Variants in IFIT1B observed in about 807,000 individuals in gnomAD.
IFIT1B encodes protein IFIT1 homolog B.
IFIT1B carries 3 observed loss-of-function variants against 2.5 expected under a neutral mutation model. That is an observed-to-expected ratio of 1.21 (90% CI 0.55 to 3.14). IFIT1B has a LOEUF of 3.14. Among genes scored for constraint, IFIT1B ranks in the 30% most tolerant of loss-of-function variants. The pLI, the probability that IFIT1B is intolerant of heterozygous loss-of-function variation, is 0.03. For missense variants in IFIT1B, 545 were observed against 556.5 expected (o/e 0.98, Z 0.21); for synonymous variants, 196 against 203.0 (o/e 0.97, Z 0.29).
Position 89,383,796 on chromosome 10 carries a change from G to A in IFIT1B, c.483G>A (p.Lys161=), listed in dbSNP as rs775389107. 27 of 1,614,052 alleles carry A rather than the reference G, an allele frequency of 1.7e-5. No individual in the cohort carries two copies. In the Admixed American group the frequency reaches 4.5e-4, roughly 27 times the overall value. Residue 161 remains lysine (K), a synonymous_variant, in exon 2 of 2, where the codon AAG becomes AAA. Coordinates refer to ENST00000371809, the MANE Select transcript of IFIT1B (RefSeq NM_001010987.2). The part of the protein sequence containing the change: ...KCGGKNYERA[K]TCFEKALEGN... ...GTGGAAAGAATTATGAACGGGCCAAGACCTGCTTTGAAAAGGCTCTGGAAG... is the reference window on the plus strand; with the variant it reads ...GTGGAAAGAATTATGAACGGGCCAAAACCTGCTTTGAAAAGGCTCTGGAAG...
Position 89,383,442 on chromosome 10 carries a change from T to C in IFIT1B, c.129T>C (p.Ile43=), listed in dbSNP as rs1844177874. The change falls in exon 2 of 2, where the codon ATT becomes ATC. Residue 43 remains isoleucine (I), a synonymous_variant. Coordinates refer to ENST00000371809, the MANE Select transcript of IFIT1B (RefSeq NM_001010987.2). ...PDLENRIWEE[I]QFLDTKYNVG... ...TAGAAAACAGGATCTGGGAAGAGAT[T>C]CAGTTCCTGGACACCAAATACAATG... 6.2e-7 allele frequency: 1 copy of C among 1,614,058 alleles called. No homozygotes were observed.
intron 1 of IFIT1B, among the ~76,000 whole-genome samples, chr10:89,380,690 C>T (rs1278177785): frequency 6.6e-6 from 1 of 152,150 alleles, no homozygotes; most frequent in Non-Finnish European, 1.5e-5. Context: ...GCCTTGGACT[C>T]TCAAAGTGTT....
At position 89,384,698 on chromosome 10, in the gene IFIT1B, G is replaced by C. The variant is rs1249583141; in HGVS notation, c.1385G>C (p.Arg462Thr). 1 of 1,613,932 alleles carries C rather than the reference G, an allele frequency of 6.2e-7. No individual in the cohort carries two copies. The highest frequency in any genetic ancestry group is 8.5e-7 in the Non-Finnish European group (1 of 1,179,898). Reference protein sequence around the residue: ...EVSDALLCYERALRLAADLNP... With the variant: ...EVSDALLCYETALRLAADLNP... ...AGTGATGCTTTGCTGTGCTATGAGA[G>C]GGCTCTGAGGCTGGCTGCTGACCTG... is the stretch of plus-strand genomic sequence containing the variant. The change falls in exon 2 of 2, where the codon AGG (arginine) becomes ACG (threonine). Residue 462 changes from arginine (R) to threonine (T), a missense_variant. By Grantham distance (71) the Arg-to-Thr change is moderately conservative. Coordinates refer to ENST00000371809, the MANE Select transcript of IFIT1B (RefSeq NM_001010987.2).
intron 1 of IFIT1B, among the ~76,000 whole-genome samples, chr10:89,382,228 A>C (rs1355535625): frequency 6.6e-6 from 1 of 152,208 alleles, no homozygotes; most frequent in East Asian, 1.9e-4. Context: ...GAGTAAGAGA[A>C]AATTTCATAA....
In IFIT1B at chr10:89,383,622, G is replaced by T; in HGVS notation, c.309G>T (p.Trp103Cys). ...RSLVTWGNFA[W>C]VYYHMGRLAE... ...TGGTGACCTGGGGCAACTTTGCCTG[G>T]GTGTATTACCACATGGGCAGATTGG... The change falls in exon 2 of 2, where the codon TGG (tryptophan) becomes TGT (cysteine). Residue 103 changes from tryptophan (W) to cysteine (C), a missense_variant. Trp to Cys is a radical substitution (Grantham distance 215). Coordinates refer to ENST00000371809, the MANE Select transcript of IFIT1B (RefSeq NM_001010987.2). The T allele has an allele frequency of 6.2e-7, 1 of 1,614,176 alleles. No homozygotes were observed. The highest frequency in any genetic ancestry group is 8.5e-7 in the Non-Finnish European group (1 of 1,180,034).
Position 89,383,520 on chromosome 10 carries a change from G to C in IFIT1B, c.207G>C (p.Glu69Asp). Reference protein sequence around the residue: ...AYVKHLKGQNEEALVSLKKAE... With the variant: ...AYVKHLKGQNDEALVSLKKAE... ...TGAAACACCTGAAAGGCCAGAATGA[G>C]GAAGCCCTGGTCAGCTTGAAAAAGG... Residue 69 changes from glutamate (E) to aspartate (D), a missense_variant, in exon 2 of 2, where the codon GAG (glutamate) becomes GAC (aspartate). Transcript: ENST00000371809. 1 of 1,614,188 alleles carries C rather than the reference G, an allele frequency of 6.2e-7. No homozygotes were observed. Among genetic ancestry groups the C allele is most frequent in the South Asian group, 1.1e-5 (1 of 91,078 alleles).
chr10:89,384,745 G>A lies in IFIT1B; in HGVS notation c.*7G>A. The A allele has an allele frequency of 6.3e-7, 1 of 1,582,962 alleles. No individual in the cohort carries two copies. The highest frequency in any genetic ancestry group is 8.6e-7 in the Non-Finnish European group (1 of 1,162,716). On this transcript the variant is annotated 3_prime_UTR_variant, in exon 2 of 2. Coordinates refer to ENST00000371809, the MANE Select transcript of IFIT1B (RefSeq NM_001010987.2). The stretch of plus-strand genomic sequence containing the variant: ...CCTGAACCCTATATTTTAACATAGA[G>A]GTCACCATTATCCATTTAATGGTCT...
At position 89,378,158 on chromosome 10, in the gene IFIT1B, T is replaced by G. The variant is rs746740919; in HGVS notation, c.5+18T>G. 6.2e-7 allele frequency: 1 copy of G among 1,613,362 alleles called. No homozygotes were observed. The highest frequency in any genetic ancestry group is 1.3e-5 in the African/African-American group (1 of 74,924). On this transcript the variant is annotated intron_variant, in intron 1 of 1. Coordinates refer to ENST00000371809, the MANE Select transcript of IFIT1B (RefSeq NM_001010987.2). Reference sequence around the variant, plus strand: ...ACCATGAGGTAAAGTCTTTCTCTGCTTCACTGACCTTATTTCTGCACACTT... The same window carrying G: ...ACCATGAGGTAAAGTCTTTCTCTGCGTCACTGACCTTATTTCTGCACACTT...
At chr10:89,378,328 T>C (rs1276686510) in intron 1 of IFIT1B, among the ~76,000 whole-genome samples, 188 bp downstream of exon 1, 4 of 152,132 alleles carry the variant, frequency 2.6e-5, no homozygotes, top group Admixed American at 6.5e-5. Flanking sequence ...TAAGACGATA[T>C]GGGCAAAGTT....
chr10:89,383,557 AT>A lies in IFIT1B; in HGVS notation c.246del (p.Gln83ArgfsTer14). 22 of 1,614,238 alleles carry A rather than the reference AT, an allele frequency of 1.4e-5. No homozygotes were observed. Among genetic ancestry groups the A allele is most frequent in the Non-Finnish European group, 1.9e-5 (22 of 1,180,040 alleles). On this transcript the variant is annotated frameshift_variant, in exon 2 of 2. Transcript: ENST00000371809. LOFTEE classifies it low-confidence loss of function (END_TRUNC). ...LVSLKKAEDLIQKEHANQADI... is the reference protein window; with the variant it reads ...LVSLKKAEDLXQKEHANQADI... The stretch of plus-strand genomic sequence containing the variant: ...CAGCTTGAAAAAGGCTGAAGACTTA[AT>A]TCAGAAAGAACATGCCAACCAAGCA...
intron 1 of IFIT1B, among the ~76,000 whole-genome samples, chr10:89,380,985 C>A (rs1317448619): frequency 1.3e-5 from 2 of 152,146 alleles, no homozygotes. Context: ...GTAAATTGTG[C>A]ACTTGAAATT....
Position 89,384,934 on chromosome 10 carries a change from T to A in IFIT1B, c.*196T>A. On this transcript the variant is annotated 3_prime_UTR_variant, in exon 2 of 2. Transcript: ENST00000371809. Reference sequence around the variant, plus strand: ...CTGTAAATGATCAGGAAAGGCCTTGTGGCACCAGACATAAGACCCCCTGAA... The same window carrying A: ...CTGTAAATGATCAGGAAAGGCCTTGAGGCACCAGACATAAGACCCCCTGAA... 1 of 553,994 alleles carries A rather than the reference T, an allele frequency of 1.8e-6. No homozygotes were observed. Among genetic ancestry groups the A allele is most frequent in the Non-Finnish European group, 3.2e-6 (1 of 314,660 alleles). 34.3% of individuals were successfully genotyped at this position (553,994 alleles called of 1,614,324 possible).
chr10:89,379,724 C>T lies in IFIT1B; in HGVS notation c.5+1584C>T, dbSNP rs1033352389. ...ACCCAAGTCTCTCTTTTTAATATAACGGGCTCCTGGTCATAAGATGTTAGT... is the reference window on the plus strand; with the variant it reads ...ACCCAAGTCTCTCTTTTTAATATAATGGGCTCCTGGTCATAAGATGTTAGT... On this transcript the variant is annotated intron_variant, in intron 1 of 1. Transcript: ENST00000371809. 6.6e-5 allele frequency among the ~76,000 whole-genome samples: 10 copies of T among 152,214 alleles called. No homozygotes were observed. The East Asian group carries it at 1.4e-3, about 21-fold the overall frequency.
intron 1 of IFIT1B, among the ~76,000 whole-genome samples, chr10:89,382,541 T>C (rs1382453985): frequency 6.6e-6 from 1 of 152,230 alleles, no homozygotes; most frequent in Non-Finnish European, 1.5e-5. Flanking sequence ...TGTTGAGATT[T>C]TATAGCCTGT....
intron 1 of IFIT1B, among the ~76,000 whole-genome samples, chr10:89,379,711 C>G (rs542207536): frequency 6.6e-6 from 1 of 152,244 alleles, no homozygotes; most frequent in South Asian, 2.1e-4. Flanking sequence ...CCAAGTCTCT[C>G]TTTTTAATAT....
rs536601061 is a variant in IFIT1B at position 89,383,880 on chromosome 10, T to C, written c.567T>C (p.Asp189=). The change falls in exon 2 of 2, where the codon GAT becomes GAC. Residue 189 remains aspartate, a synonymous_variant. Transcript: ENST00000371809. ...ACGCAATCACCGTCTATCGCCTGGA[T>C]AAATTTAACACAGCATCAGGGAGGA... The part of the protein sequence containing the change: ...TGYAITVYRL[D]KFNTASGRNK... 8.7e-6 allele frequency: 14 copies of C among 1,614,186 alleles called. No individual in the cohort carries two copies. The South Asian group carries it at 1.5e-4, about 18-fold the overall frequency.
Position 89,384,626 on chromosome 10 carries a change from A to G in IFIT1B, c.1313A>G (p.Glu438Gly). 1.9e-6 allele frequency: 3 copies of G among 1,614,248 alleles called. No individual in the cohort carries two copies. The highest frequency in any genetic ancestry group is 2.5e-6 in the Non-Finnish European group (3 of 1,180,032). ...ATTCACCAGAATGTACGGGTTGTGG[A>G]AAGTGTCAGCCTCCTTGGGCTTATC... ...RCIHQNVRVV[E>G]SVSLLGLIHK... is the part of the protein sequence containing the mutation. Residue 438 changes from glutamate (E) to glycine (G), a missense_variant, in exon 2 of 2, where the codon GAA becomes GGA. Transcript: ENST00000371809.
At chr10:89,378,498 T>C (rs994437836) in intron 1 of IFIT1B, among the ~76,000 whole-genome samples, 4 of 152,020 alleles carry the variant, frequency 2.6e-5, no homozygotes, top group African/African-American at 9.7e-5. Flanking sequence ...GGGAGGGGCT[T>C]CTCAAGAGGC....
chr10:89,382,119 AT>A (rs1242122943), intron 1 of IFIT1B, among the ~76,000 whole-genome samples: 1 of 152,018 alleles, frequency 6.6e-6, no homozygotes, highest in African/African-American at 2.4e-5. Flanking sequence ...TTCATCATCC[AT>A]TTTTTGTGAT....
Sources: allele counts gnomAD v4.1 joint callset (sites outside exome capture counted in the v4.1 genomes callset), GRCh38; gene constraint gnomAD v4.1.1; transcripts MANE v1.5; gene names NCBI Gene and HGNC (gene_info 2026-07-23, HGNC 2026-07-21).